CNTN4: variants seen among roughly 807,000 people sequenced by gnomAD.
CNTN4 encodes the protein contactin 4.
CNTN4 carries 77 observed loss-of-function variants against 122.5 expected under a neutral mutation model. The observed-to-expected ratio is 0.63, with a 90% confidence interval of 0.52 to 0.76. CNTN4 has a LOEUF of 0.76. Among genes scored for constraint, CNTN4 ranks in the 30% least tolerant of loss-of-function variants. CNTN4 has a pLI of 0.00. For missense variants in CNTN4, 1,256 were observed against 1,259.1 expected (o/e 1.00, Z 0.04); for synonymous variants, 512 against 447.0 (o/e 1.15, Z -1.83).
intron 2 of CNTN4, among the ~76,000 whole-genome samples, chr3:2,161,830 C>A (rs942553223): frequency 2.0e-5 from 3 of 152,102 alleles, no homozygotes; most frequent in African/African-American, 4.8e-5. Context: ...CTGTTTCTTG[C>A]TGTTTTGATG....
intron 4 of CNTN4, among the ~76,000 whole-genome samples, chr3:2,667,668 C>T (rs6781776): frequency 0.2 from 18,070 of 88,358 alleles, 2,532 homozygotes; most frequent in African/African-American, 0.27. Flanking sequence ...TCCTTGCCCA[C>T]GCCTATGTCC....
intron 3 of CNTN4, among the ~76,000 whole-genome samples, chr3:2,398,298 A>G (rs1486718450): frequency 1.3e-5 from 2 of 152,092 alleles, no homozygotes; most frequent in Non-Finnish European, 2.9e-5. Context: ...ACAAAAGATG[A>G]TATTTCTTCT....
At chr3:2,724,102 G>A (rs1431293722) in intron 4 of CNTN4, among the ~76,000 whole-genome samples, 1 of 152,150 alleles carries the variant, frequency 6.6e-6, no homozygotes, top group African/African-American at 2.4e-5. Context: ...TTTGAGGAAG[G>A]GAGAGTCAGA....
rs370536248 is a variant in CNTN4 at position 2,815,734 on chromosome 3, T to C, written c.359-3752T>C. Among the ~76,000 whole-genome samples the C allele has an allele frequency of 2.6e-5, 4 of 152,176 alleles. No homozygotes were observed. The East Asian group carries it at 5.8e-4, about 22-fold the overall frequency. ...TTGATCCAGCAATCTCACTACTGAGTATCTACCCAGAGGAAAAGAAGTCAT... is the reference window on the plus strand; with the variant it reads ...TTGATCCAGCAATCTCACTACTGAGCATCTACCCAGAGGAAAAGAAGTCAT... On this transcript the variant is annotated intron_variant, in intron 6 of 24. Coordinates refer to ENST00000418658, the MANE Select transcript of CNTN4 (RefSeq NM_175607.3).
chr3:2,175,430 G>A (rs2036707700), intron 2 of CNTN4, among the ~76,000 whole-genome samples: 1 of 152,044 alleles, frequency 6.6e-6, no homozygotes, highest in Admixed American at 6.5e-5. Flanking sequence ...GTAGCACTTT[G>A]GTCCATTGTT....
chr3:3,057,834 T>C lies in CNTN4; in HGVS notation c.*1614T>C, dbSNP rs923045015. 6.6e-6 allele frequency: 1 copy of C among 152,368 alleles called. No homozygotes were observed. The highest frequency in any genetic ancestry group is 1.5e-5 in the Non-Finnish European group (1 of 67,966). 9.4% of individuals were successfully genotyped at this position (152,368 alleles called of 1,614,324 possible). ...TGCAAAAAAAAAATCAGCAAAATAA[T>C]AAAATGAACGAAAAAAAATGACACC... On this transcript the variant is annotated 3_prime_UTR_variant, in exon 25 of 25. Coordinates refer to ENST00000418658, the MANE Select transcript of CNTN4 (RefSeq NM_175607.3).
intron 2 of CNTN4, among the ~76,000 whole-genome samples, chr3:2,277,776 C>G (rs2041571734): frequency 6.6e-6 from 1 of 152,116 alleles, no homozygotes; most frequent in Admixed American, 6.5e-5. Context: ...TGAGATGCAC[C>G]TACATGGCTC....
At chr3:2,997,328 T>C (rs1225355368) in intron 14 of CNTN4, among the ~76,000 whole-genome samples, 1 of 152,242 alleles carries the variant, frequency 6.6e-6, no homozygotes, top group East Asian at 1.9e-4. Context: ...TCTATGTGTA[T>C]GTTTTAAATC....
At chr3:2,318,798 C>A (rs2043192863) in intron 2 of CNTN4, among the ~76,000 whole-genome samples, 1 of 152,100 alleles carries the variant, frequency 6.6e-6, no homozygotes, top group African/African-American at 2.4e-5. Context: ...TGCCACTATG[C>A]CTGGCTATTA....
intron 7 of CNTN4, among the ~76,000 whole-genome samples, chr3:2,822,006 T>C (rs574342647): frequency 1.3e-5 from 2 of 152,342 alleles, no homozygotes; most frequent in East Asian, 1.9e-4. Context: ...GTAAAGGTGC[T>C]AAAAGGCATG....
At chr3:2,320,633 T>C (rs1222707779) in intron 2 of CNTN4, among the ~76,000 whole-genome samples, 3 of 152,150 alleles carry the variant, frequency 2.0e-5, no homozygotes, top group Non-Finnish European at 4.4e-5. Flanking sequence ...AATTTACCAT[T>C]TTCATGATGA....
At position 3,043,608 on chromosome 3, in the gene CNTN4, C is replaced by T. The variant is rs144260163; in HGVS notation, c.2715C>T (p.Pro905=). The change falls in exon 23 of 25, where the codon CCC becomes CCT. Residue 905 remains proline, a synonymous_variant. Coordinates refer to ENST00000418658, the MANE Select transcript of CNTN4 (RefSeq NM_175607.3). ...TTRKPPPSQP[P]GNIIWNSSDS... ...TTTTTATAGCACCAAGTCAACCCCC[C>T]GGAAACATCATATGGAATTCATCAG... The T allele has an allele frequency of 3.1e-4, 506 of 1,613,596 alleles. 1 individual carries two copies. The highest frequency in any genetic ancestry group is 3.8e-4 in the Non-Finnish European group (447 of 1,179,534).
intron 2 of CNTN4, among the ~76,000 whole-genome samples, chr3:2,311,571 C>G (rs2042917773): frequency 6.6e-6 from 1 of 152,030 alleles, no homozygotes; most frequent in African/African-American, 2.4e-5. Flanking sequence ...ACAGAGAATG[C>G]AGCTGTGCAC....
intron 2 of CNTN4, among the ~76,000 whole-genome samples, chr3:2,288,515 C>G (rs2042020895): frequency 6.6e-6 from 1 of 152,086 alleles, no homozygotes; most frequent in South Asian, 2.1e-4. Flanking sequence ...CCCCTCCTTG[C>G]AACATTGAGG....
rs564039242 is a variant in CNTN4, at chr3:2,640,148, G to A, written c.55+68590G>A. Among the ~76,000 whole-genome samples, 92 of 152,284 alleles carry A rather than the reference G, an allele frequency of 6.0e-4. 1 individual carries two copies. Among genetic ancestry groups the A allele is most frequent in the African/African-American group, 1.8e-3 (76 of 41,566 alleles). On this transcript the variant is annotated intron_variant, in intron 4 of 24. Transcript: ENST00000418658. ...AATCTGACATTGCTTTGCTTTTCAT[G>A]CAAGCTTTGTAAGCTCTCAAATGGC...
intron 8 of CNTN4, among the ~76,000 whole-genome samples, chr3:2,875,588 T>C (rs962299928): frequency 1.3e-5 from 2 of 152,156 alleles, no homozygotes; most frequent in Non-Finnish European, 2.9e-5. Context: ...AATGGCAGAG[T>C]TGAGCAGTAA....
intron 4 of CNTN4, among the ~76,000 whole-genome samples, chr3:2,660,722 C>T (rs1487757393): frequency 2.0e-5 from 3 of 152,216 alleles, no homozygotes; most frequent in African/African-American, 7.2e-5. Flanking sequence ...CTTTGGTTAC[C>T]TACTCTTTGC....
chr3:2,493,630 C>A (rs1054881548), intron 3 of CNTN4, among the ~76,000 whole-genome samples: 2 of 151,744 alleles, frequency 1.3e-5, no homozygotes, highest in African/African-American at 2.4e-5. Context: ...AGCTGCCAAC[C>A]AATATCCTTT....
At chr3:2,382,552 A>T (rs1450182872) in intron 3 of CNTN4, among the ~76,000 whole-genome samples, 1 of 152,208 alleles carries the variant, frequency 6.6e-6, no homozygotes, top group Non-Finnish European at 1.5e-5. Context: ...TTTCTAAAAA[A>T]TTCTAGTTCC....
Sources: gnomAD v4.1 joint callset for allele counts (sites outside exome capture counted in the v4.1 genomes callset) on GRCh38, gnomAD v4.1.1 for gene constraint, MANE v1.5 for transcripts, NCBI Gene and HGNC (gene_info 2026-07-23, HGNC 2026-07-21) for gene names.